The following ZBBX variants were observed in gnomAD, a reference collection of about 807,000 sequenced individuals.
The protein encoded by ZBBX is zinc finger B-box domain-containing protein 1.
Under a neutral mutation model 108.5 loss-of-function variants are expected in ZBBX, and 101 were observed. The ratio of observed to expected loss-of-function variants is 0.93; its 90% CI spans 0.79 to 1.10. The LOEUF (loss-of-function observed/expected upper bound fraction) is 1.10, where lower values mean the gene tolerates loss of function less well. Among genes scored for constraint, ZBBX ranks in the 50% least tolerant of loss-of-function variants. The pLI is 0.00. For synonymous variants in ZBBX, 356 were observed against 323.4 expected (o/e 1.10, Z -1.08); for missense variants, 1,009 against 941.4 (o/e 1.07, Z -0.94).
chr3:167,363,599 C>A (rs73169185), intron 6 of ZBBX, among the ~76,000 whole-genome samples: 33,568 of 150,354 alleles, frequency 0.22, 4,760 homozygotes, highest in Non-Finnish European at 0.31. Flanking sequence ...CAACTGGCAC[C>A]TCTTTCATCT....
rs1000445789 is a variant in ZBBX, at chr3:167,359,885, G to A, written c.417C>T (p.Asn139=). The change falls in exon 8 of 22, where the codon AAC becomes AAT. Residue 139 remains asparagine (N), a synonymous_variant. Coordinates refer to ENST00000675490, the MANE Select transcript of ZBBX (RefSeq NM_001199201.2). Reference sequence around the variant, plus strand: ...ACGTACATACCAGTAGAGCAGCTTTGTTCTCACACTGTCCACATACTTTCC... The same window carrying A: ...ACGTACATACCAGTAGAGCAGCTTTATTCTCACACTGTCCACATACTTTCC... ...INGKVCGQCE[N]KAALLVCLEC... 3 of 1,539,250 alleles carry A rather than the reference G, an allele frequency of 1.9e-6. No individual in the cohort carries two copies. The highest frequency in any genetic ancestry group is 2.4e-5 in the East Asian group (1 of 42,120).
the ZBBX span, among the ~76,000 whole-genome samples, chr3:167,228,732 G>C: frequency 6.6e-6 from 1 of 151,782 alleles, no homozygotes; most frequent in Non-Finnish European, 1.5e-5. Context: ...AAACAGTTTA[G>C]ATAATCCTTC....
chr3:167,197,261 G>T, the ZBBX span, among the ~76,000 whole-genome samples: 3 of 152,048 alleles, frequency 2.0e-5, no homozygotes, highest in Non-Finnish European at 4.4e-5. Context: ...AATGTAGGCT[G>T]GGCACGGTGG....
chr3:167,313,329 G>A (rs1259238542), intron 16 of ZBBX, among the ~76,000 whole-genome samples: 1 of 152,178 alleles, frequency 6.6e-6, no homozygotes, highest in Non-Finnish European at 1.5e-5. Flanking sequence ...AGGCTGGAGT[G>A]CAACGGTGTG....
intron 1 of ZBBX, among the ~76,000 whole-genome samples, chr3:167,404,686 G>A (rs1748529291): frequency 6.6e-6 from 1 of 152,106 alleles, no homozygotes; most frequent in East Asian, 1.9e-4. Context: ...ATAGACACCT[G>A]GCTTGTTGGA....
intron 20 of ZBBX, among the ~76,000 whole-genome samples, chr3:167,262,215 C>T (rs892779495): frequency 2.7e-5 from 4 of 150,284 alleles, no homozygotes; most frequent in Admixed American, 2.0e-4. Flanking sequence ...TCGGGGGGGG[C>T]GTCTCCCAGG....
chr3:167,366,084 C>A, intron 5 of ZBBX, 108 bp from the exon 6 acceptor site: 1 of 708,764 alleles, frequency 1.4e-6, no homozygotes, highest in South Asian at 3.0e-5. Context: ...CAGTTGTTAA[C>A]ATGCAGTAAA....
the ZBBX span, among the ~76,000 whole-genome samples, chr3:167,226,900 T>A: frequency 8.6e-5 from 13 of 151,856 alleles, no homozygotes; most frequent in African/African-American, 3.1e-4. Flanking sequence ...TAATAACTAA[T>A]AATGTTACAG....
chr3:167,188,725 A>G, the ZBBX span, among the ~76,000 whole-genome samples: 3 of 152,186 alleles, frequency 2.0e-5, no homozygotes, highest in Non-Finnish European at 2.9e-5. Context: ...TTATTCATTT[A>G]CTGCCAGTTG....
chr3:167,401,015 G>A (rs1748408574), intron 1 of ZBBX, among the ~76,000 whole-genome samples: 1 of 152,086 alleles, frequency 6.6e-6, no homozygotes, highest in Non-Finnish European at 1.5e-5. Context: ...GGATCCCCAA[G>A]ATTTATTTTC....
At chr3:167,311,834 A>G (rs543653078) in intron 16 of ZBBX, among the ~76,000 whole-genome samples, 3 of 152,288 alleles carry the variant, frequency 2.0e-5, no homozygotes, top group Admixed American at 2.0e-4. Flanking sequence ...GCTGGTGGGA[A>G]TGTAAAATAG....
intron 20 of ZBBX, among the ~76,000 whole-genome samples, chr3:167,259,013 TTCTC>T (rs1723999364): frequency 6.6e-6 from 1 of 152,314 alleles, no homozygotes; most frequent in South Asian, 2.1e-4. Flanking sequence ...GGTTGCTTCT[TTCTC>T]TATCTTGTGG....
At chr3:167,265,668 A>T (rs1163614306) in intron 20 of ZBBX, among the ~76,000 whole-genome samples, 4 of 152,178 alleles carry the variant, frequency 2.6e-5, no homozygotes, top group Non-Finnish European at 4.4e-5. Context: ...TACAAATTGT[A>T]GTCCTTGTGT....
chr3:167,185,556 ATAT>A, the ZBBX span, among the ~76,000 whole-genome samples: 2 of 152,284 alleles, frequency 1.3e-5, no homozygotes, highest in Middle Eastern at 3.4e-3. Context: ...AAAAGAGGTT[ATAT>A]TATTTTGCTT....
the ZBBX span, among the ~76,000 whole-genome samples, chr3:167,230,620 GA>G: frequency 6.6e-6 from 1 of 151,764 alleles, no homozygotes; most frequent in Non-Finnish European, 1.5e-5. Flanking sequence ...TAAAGGTCCT[GA>G]AGCTAGAACC....
rs369980492 is a variant in ZBBX, at chr3:167,328,049, G to A, written c.755C>T (p.Ser252Leu). 3 of 1,612,954 alleles carry A rather than the reference G, an allele frequency of 1.9e-6. No individual in the cohort carries two copies. Among genetic ancestry groups the A allele is most frequent in the Non-Finnish European group, 2.5e-6 (3 of 1,179,660 alleles). ...CTGTGCAGAAGCTTCTTCATCGAAT[G>A]ACCCTTCACACAACAGACTCTTTCT... ...KPRKSLLCEG[S>L]FDEEASAQSF... The change falls in exon 11 of 22, where the codon TCA (serine) becomes TTA (leucine). Residue 252 changes from serine to leucine, a missense_variant. Physicochemically the swap from Ser to Leu is moderately radical, Grantham distance 145. Coordinates refer to ENST00000675490, the MANE Select transcript of ZBBX (RefSeq NM_001199201.2).
chr3:167,325,820 G>C (rs1737279348), intron 11 of ZBBX, among the ~76,000 whole-genome samples: 1 of 152,044 alleles, frequency 6.6e-6, no homozygotes, highest in African/African-American at 2.4e-5. Flanking sequence ...GACAAAAATA[G>C]CCAATATTGT....
At chr3:167,228,054 C>T in the ZBBX span, among the ~76,000 whole-genome samples, 1 of 151,612 alleles carries the variant, frequency 6.6e-6, no homozygotes, top group African/African-American at 2.4e-5. Context: ...ACAGTTTCAC[C>T]CCAAAAATAC....
At chr3:167,405,922 C>T (rs1474249706) in intron 1 of ZBBX, among the ~76,000 whole-genome samples, 2 of 152,034 alleles carry the variant, frequency 1.3e-5, no homozygotes, top group African/African-American at 4.8e-5. Context: ...ATACAAAACC[C>T]TGGGGTGGTG....
Sources: allele counts gnomAD v4.1 joint callset (sites outside exome capture counted in the v4.1 genomes callset), GRCh38; gene constraint gnomAD v4.1.1; transcripts MANE v1.5; gene names NCBI Gene and HGNC (gene_info 2026-07-23, HGNC 2026-07-21).